Variants in IGFL4 observed in about 807,000 individuals in gnomAD.
IGFL4 encodes insulin growth factor-like family member 4.
A neutral mutation model predicts 15.4 loss-of-function variants in IGFL4; 12 were observed. The observed-to-expected ratio is 0.78, with a 90% CI of 0.50 to 1.26. The LOEUF is 1.26. Among genes scored for constraint, IGFL4 ranks in the 50% most tolerant of loss-of-function variants. IGFL4 has a pLI of 0.00. For synonymous variants in IGFL4, 54 were observed against 55.9 expected (o/e 0.97, Z 0.16); for missense variants, 126 against 147.8 (o/e 0.85, Z 0.76).
Position 46,040,925 on chromosome 19 carries a change from A to C in IGFL4, c.19+19T>G. The C allele has an allele frequency of 6.3e-7, 1 of 1,586,620 alleles. No individual in the cohort carries two copies. The highest frequency in any genetic ancestry group is 8.6e-7 in the Non-Finnish European group (1 of 1,166,530). On this transcript the variant is annotated intron_variant, in intron 1 of 3. Coordinates refer to ENST00000377697, the MANE Select transcript of IGFL4 (RefSeq NM_001002923.3). The surrounding 1 kb of genome is among the most constrained non-coding windows in gnomAD (Gnocchi z 4.1). ...ATATCATTAGGGATTAGCTTAGCCT[A>C]GGGCTGGGGTCTCCTTACCAGAAAT... is the stretch of plus-strand genomic sequence containing the variant.
chr19:46,041,860 A>T (rs1177946682), upstream of IGFL4, among the ~76,000 whole-genome samples: 1 of 120,686 alleles, frequency 8.3e-6, no homozygotes, highest in Non-Finnish European at 1.6e-5. Context: ...TTTTTTTGAG[A>T]CACCGTATCT....
rs1416792298 is a variant in IGFL4, at chr19:46,040,798, A to G, written c.19+146T>C. ...TTTGCAGTTCAGGAGACAGATTACA[A>G]TGCAGTCACAGATGACATAGCAGTG... On this transcript the variant is annotated intron_variant, in intron 1 of 3. Transcript: ENST00000377697. This position sits in a 1 kb window ranked among gnomAD's most constrained non-coding sequence, Gnocchi z 4.1. 1.1e-6 allele frequency: 1 copy of G among 941,338 alleles called. No homozygotes were observed. The highest frequency in any genetic ancestry group is 1.7e-6 in the Non-Finnish European group (1 of 598,850). 58.3% of individuals were successfully genotyped at this position (941,338 alleles called of 1,614,324 possible). A position where few individuals can be genotyped will look rare whatever the true frequency, so the allele number is the denominator to read the frequency against.
chr19:46,066,852 C>A (rs1228024080), intron 1 of IGFL4, among the ~76,000 whole-genome samples: 1 of 152,218 alleles, frequency 6.6e-6, no homozygotes, highest in Non-Finnish European at 1.5e-5. Context: ...AGAGGACATT[C>A]AACCTATATC....
At position 46,039,872 on chromosome 19, in the gene IGFL4, C is replaced by T. The variant is rs1282766931; in HGVS notation, c.*20G>A. 1.9e-6 allele frequency: 3 copies of T among 1,593,226 alleles called. No individual in the cohort carries two copies. The South Asian group carries it at 3.3e-5, about 18-fold the overall frequency. On this transcript the variant is annotated 3_prime_UTR_variant, in exon 4 of 4. Coordinates refer to ENST00000377697, the MANE Select transcript of IGFL4 (RefSeq NM_001002923.3). Reference sequence around the variant, plus strand: ...TATTAGATTCTAGAGTGATCTGTGACTCTGCTACCCCAGAACAGTCTAGAT... The same window carrying T: ...TATTAGATTCTAGAGTGATCTGTGATTCTGCTACCCCAGAACAGTCTAGAT...
At chr19:46,073,822 G>T (rs758737208) in intron 1 of IGFL4, among the ~76,000 whole-genome samples, 35 of 152,172 alleles carry the variant, frequency 2.3e-4, no homozygotes, top group Non-Finnish European at 3.7e-4. Flanking sequence ...GACACTGGAA[G>T]TCTTTAAAGA....
chr19:46,059,228 C>T (rs1969421870), intron 2 of IGFL4: 1 of 152,316 alleles, frequency 6.6e-6, no homozygotes, highest in Admixed American at 6.5e-5. Flanking sequence ...AGTTCTCAGC[C>T]TTGTTTTACC....
intron 2 of IGFL4, chr19:46,058,527 C>A (rs2216348): frequency 0.52 from 79,817 of 152,064 alleles, 21,350 homozygotes; most frequent in Non-Finnish European, 0.55. Flanking sequence ...CCCCACTAGG[C>A]GGTGCCTCAG....
chr19:46,051,632 C>T (rs1383469601), intron 2 of IGFL4, among the ~76,000 whole-genome samples: 1 of 152,074 alleles, frequency 6.6e-6, no homozygotes, highest in Non-Finnish European at 1.5e-5. Context: ...TACCTCACAT[C>T]TCAATACTAA....
intron 1 of IGFL4, among the ~76,000 whole-genome samples, chr19:46,073,685 C>G (rs1275012704): frequency 6.6e-6 from 1 of 152,196 alleles, no homozygotes; most frequent in African/African-American, 2.4e-5. Flanking sequence ...ACTTCCCTGA[C>G]AGAGAATCAT....
intron 1 of IGFL4, among the ~76,000 whole-genome samples, chr19:46,061,232 T>C (rs1969442285): frequency 6.6e-6 from 1 of 152,238 alleles, no homozygotes; most frequent in South Asian, 2.1e-4. Context: ...TGCCTTCTTA[T>C]AATCTTTTAC....
chr19:46,043,725 A>G (rs979129748), upstream of IGFL4, among the ~76,000 whole-genome samples: 1 of 152,202 alleles, frequency 6.6e-6, no homozygotes, highest in African/African-American at 2.4e-5. Context: ...GTGTGGGACA[A>G]TGGGCATGCA....
At chr19:46,060,281 A>C (rs1399997809) in exon 2 of IGFL4, 3 of 152,210 alleles carry the variant, frequency 2.0e-5, no homozygotes, top group African/African-American at 7.2e-5. Flanking sequence ...TCAAAAGAAA[A>C]GTTTCCTTGA....
At chr19:46,071,726 A>G (rs187831807) in intron 1 of IGFL4, among the ~76,000 whole-genome samples, 1 of 152,366 alleles carries the variant, frequency 6.6e-6, no homozygotes, top group African/African-American at 2.4e-5. Context: ...ATAGCCTTCA[A>G]AAATGGTAAG....
intron 2 of IGFL4, chr19:46,058,335 C>T (rs1042584494): frequency 2.6e-5 from 4 of 152,098 alleles, no homozygotes; most frequent in Non-Finnish European, 4.4e-5. Context: ...GACACCATTT[C>T]TCACATCCAA....
chr19:46,059,776 G>C (rs987646049), intron 2 of IGFL4: 2 of 152,174 alleles, frequency 1.3e-5, no homozygotes, highest in Admixed American at 6.5e-5. Context: ...TTTTAAAATT[G>C]ACTTTGATGG....
chr19:46,067,074 C>T (rs1206598507), intron 1 of IGFL4, among the ~76,000 whole-genome samples: 1 of 152,154 alleles, frequency 6.6e-6, no homozygotes, highest in Non-Finnish European at 1.5e-5. Flanking sequence ...CAGAGGCTCA[C>T]AGGGGCTTCA....
rs1478328319 is a variant in IGFL4 at position 46,040,061 on chromosome 19, A to G, written c.330+96T>C. ...TTACTGAGAGATGGGAAGGTATGGA[A>G]CCCAGCAGAGACTGCACATCTGGGT... On this transcript the variant is annotated intron_variant, in intron 3 of 3. Coordinates refer to ENST00000377697, the MANE Select transcript of IGFL4 (RefSeq NM_001002923.3). The surrounding 1 kb of genome is among the most constrained non-coding windows in gnomAD (Gnocchi z 4.1). 1 of 1,542,550 alleles carries G rather than the reference A, an allele frequency of 6.5e-7. No individual in the cohort carries two copies. The highest frequency in any genetic ancestry group is 9.0e-7 in the Non-Finnish European group (1 of 1,116,780).
Position 46,062,341 on chromosome 19 carries a change from C to T in IGFL4, c.-431-2048G>A, listed in dbSNP as rs531525216. ...GATATAAACCAGAAAGCACTGATTC[C>T]CTAAGCCAGGATTGAACCCAGGACA... On this transcript the variant is annotated intron_variant, in intron 1 of 5. Coordinates refer to the IGFL4 transcript ENST00000601672. Among the ~76,000 whole-genome samples the T allele has an allele frequency of 1.4e-4, 22 of 152,270 alleles. No homozygotes were observed. The South Asian group carries it at 4.6e-3, about 32-fold the overall frequency.
chr19:46,039,602 C>T lies in IGFL4; in HGVS notation c.*290G>A. The T allele has an allele frequency of 3.2e-6, 1 of 315,980 alleles. No individual in the cohort carries two copies. The highest frequency in any genetic ancestry group is 2.8e-5 in the South Asian group (1 of 36,094). 19.6% of individuals were successfully genotyped at this position (315,980 alleles called of 1,614,324 possible). On this transcript the variant is annotated 3_prime_UTR_variant, in exon 4 of 4. Transcript: ENST00000377697. The stretch of plus-strand genomic sequence containing the variant: ...GTTTGTAGTTCTCCTTGAAGAGGTC[C>T]TTCACATCCCTTGTAAGTTGGATTC...
Sources: allele counts gnomAD v4.1 joint callset (sites outside exome capture counted in the v4.1 genomes callset), GRCh38; gene constraint gnomAD v4.1.1; non-coding constraint Gnocchi (gnomAD v3.1); transcripts MANE v1.5; gene names NCBI Gene and HGNC (gene_info 2026-07-23, HGNC 2026-07-21).